WDR47: variants seen among roughly 807,000 people sequenced by gnomAD.
WDR47 encodes the protein WD repeat-containing protein 47.
Under a neutral mutation model 97.2 loss-of-function variants are expected in WDR47, and 32 were observed. The observed-to-expected ratio is 0.33, with a 90% CI of 0.25 to 0.44. The LOEUF is 0.44. Among genes scored for constraint, WDR47 ranks in the 20% least tolerant of loss-of-function variants. The pLI, the probability that WDR47 is intolerant of heterozygous loss-of-function variation, is 1.00. For missense variants in WDR47, 782 were observed against 1,102.3 expected, an observed-to-expected ratio of 0.71 and a Z score of 4.11; for synonymous variants, 375 against 373.5, an observed-to-expected ratio of 1.00 and a Z score of -0.05.
chr1:108,974,384 A>G (rs1657722428), intron 14 of WDR47, 152 bp downstream of exon 14: 2 of 639,354 alleles, frequency 3.1e-6, no homozygotes, highest in Non-Finnish European at 5.2e-6. Context: ...ATAATTTGCT[A>G]TTATATATCT....
At chr1:109,001,664 C>T (rs151203449) in intron 7 of WDR47, among the ~76,000 whole-genome samples, 7,866 of 152,006 alleles carry the variant, frequency 0.052, 291 homozygotes, top group South Asian at 0.1. Flanking sequence ...TCAAGGTGGA[C>T]GGATCGCTTG....
intron 1 of WDR47, among the ~76,000 whole-genome samples, chr1:109,028,588 A>G (rs1295450930): frequency 6.6e-6 from 1 of 151,358 alleles, no homozygotes; most frequent in Non-Finnish European, 1.5e-5. Flanking sequence ...CCAGCTATTT[A>G]GCCTAAGCAT....
At chr1:109,029,322 A>G (rs1662451433) in intron 1 of WDR47, among the ~76,000 whole-genome samples, 1 of 152,098 alleles carries the variant, frequency 6.6e-6, no homozygotes, top group South Asian at 2.1e-4. Flanking sequence ...CAGGAGTTCA[A>G]GACCAGCCTG....
In WDR47 at chr1:109,011,203, A is replaced by C; in HGVS notation, c.843T>G (p.Ala281=). 1 of 1,614,202 alleles carries C rather than the reference A, an allele frequency of 6.2e-7. No individual in the cohort carries two copies. The highest frequency in any genetic ancestry group is 2.2e-5 in the East Asian group (1 of 44,880). Residue 281 remains alanine (A), a synonymous_variant, in exon 5 of 15, where the codon GCT becomes GCG. Transcript: ENST00000369962. ...TGCTGATAAGAGGAGTCAAAAGATC[A>C]GCATATGCAGCTTTTGTAGGTTTCA... The part of the protein sequence containing the change: ...KLLKPTKAAY[A]DLLTPLISKL...
intron 5 of WDR47, among the ~76,000 whole-genome samples, chr1:109,008,238 C>G (rs756265830): frequency 2.0e-5 from 3 of 152,010 alleles, no homozygotes; most frequent in Non-Finnish European, 2.9e-5. Context: ...AGCAACTTAA[C>G]AGAAAAGGCT....
chr1:109,028,362 G>GTTTTTTTTTTTTTTTTTTTTTTTTT (rs372929187), intron 1 of WDR47, among the ~76,000 whole-genome samples: 1 of 79,788 alleles, frequency 1.3e-5, no homozygotes, highest in African/African-American at 5.1e-5. Flanking sequence ...TTTTTGTTGG[G>GTTTTTTTTTTTTTTTTTTTTTTTTT]TTTTTTTTTT....
chr1:109,000,508 C>CAAA (rs71069634), intron 7 of WDR47, among the ~76,000 whole-genome samples: 2,791 of 70,362 alleles, frequency 0.04, 279 homozygotes, highest in Middle Eastern at 0.081. Flanking sequence ...GACTCTGTCT[C>CAAA]AAAAAAAAAA....
chr1:109,022,643 G>A (rs908862961), intron 2 of WDR47, among the ~76,000 whole-genome samples: 6 of 151,994 alleles, frequency 3.9e-5, no homozygotes, highest in African/African-American at 1.2e-4. Context: ...GGAGTGCAAC[G>A]GTGCGATCTC....
chr1:109,039,914 T>C (rs1663227547), intron 1 of WDR47, among the ~76,000 whole-genome samples: 4 of 150,976 alleles, frequency 2.6e-5, no homozygotes, highest in Non-Finnish European at 5.9e-5. Flanking sequence ...CAGGCACCTG[T>C]AATCCCAGCT....
In WDR47 at chr1:108,991,288, G is replaced by A. The variant is rs747565723; in HGVS notation, c.1733C>T (p.Ser578Phe). The A allele has an allele frequency of 1.2e-6, 2 of 1,612,864 alleles. No individual in the cohort carries two copies. Among genetic ancestry groups the A allele is most frequent in the South Asian group, 2.2e-5 (2 of 90,938 alleles). ...HSVIKPPLGD[S>F]PGSLSRSKGE... is the part of the protein sequence containing the mutation. ...TTTCGACCTTGAAAGACTCCCTGGA[G>A]AATCTCCAAGAGGTGGCTTAATGAC... The change falls in exon 9 of 15, where the codon TCT (serine) becomes TTT (phenylalanine). Residue 578 changes from serine (S) to phenylalanine (F), a missense_variant. This residue lies in a region of WDR47 where 126 missense variants were observed against 121.3 expected (regional missense o/e 1.04). Transcript: ENST00000369962.
rs1307104383 is a variant in WDR47, at chr1:108,971,343, C to G, written c.*87G>C. 1.3e-6 allele frequency: 2 copies of G among 1,560,688 alleles called. No homozygotes were observed. Among genetic ancestry groups the G allele is most frequent in the Non-Finnish European group, 1.7e-6 (2 of 1,145,790 alleles). Reference sequence around the variant, plus strand: ...CTTCGTGCTAAACCACTTTCCTGGACACTATGTTCTTCAGATTTGTAATTT... The same window carrying G: ...CTTCGTGCTAAACCACTTTCCTGGAGACTATGTTCTTCAGATTTGTAATTT... On this transcript the variant is annotated 3_prime_UTR_variant, in exon 15 of 15. Transcript: ENST00000369962.
chr1:109,002,104 T>C, intron 7 of WDR47, 120 bp downstream of exon 7: 1 of 1,160,624 alleles, frequency 8.6e-7, no homozygotes, highest in Non-Finnish European at 1.2e-6. Context: ...TAACTCCACA[T>C]TACTTCAAAT....
intron 13 of WDR47, among the ~76,000 whole-genome samples, chr1:108,976,713 TG>T (rs1166771307): frequency 2.0e-5 from 3 of 152,170 alleles, no homozygotes; most frequent in Non-Finnish European, 4.4e-5. Context: ...AAGGCCTCTC[TG>T]GCTAGGTGGC....
At chr1:108,976,313 G>A (rs183933438) in intron 13 of WDR47, among the ~76,000 whole-genome samples, 212 of 148,652 alleles carry the variant, frequency 1.4e-3, no homozygotes, top group Non-Finnish European at 1.9e-3. Flanking sequence ...ATGAGTCCCA[G>A]ATTTCAAATC....
intron 14 of WDR47, among the ~76,000 whole-genome samples, chr1:108,972,002 T>C (rs934470859): frequency 4.6e-5 from 7 of 152,206 alleles, no homozygotes; most frequent in Admixed American, 3.9e-4. Flanking sequence ...ATACATATTT[T>C]ATCTCCAATC....
intron 13 of WDR47, among the ~76,000 whole-genome samples, chr1:108,979,280 G>A (rs1437846547): frequency 6.6e-6 from 1 of 151,758 alleles, no homozygotes; most frequent in Non-Finnish European, 1.5e-5. Flanking sequence ...ATATACACAG[G>A]AAAAAAAATA....
chr1:108,971,925 T>G (rs1000993154), intron 14 of WDR47, among the ~76,000 whole-genome samples: 1 of 152,174 alleles, frequency 6.6e-6, no homozygotes, highest in African/African-American at 2.4e-5. Context: ...ATTTCTTCTG[T>G]TCTCTCTGTA....
intron 3 of WDR47, among the ~76,000 whole-genome samples, chr1:109,014,482 T>A (rs1661274657): frequency 6.6e-6 from 1 of 151,858 alleles, no homozygotes; most frequent in Non-Finnish European, 1.5e-5. Context: ...TCACCCAAGC[T>A]GGAGTACAGT....
intron 9 of WDR47, among the ~76,000 whole-genome samples, chr1:108,990,178 G>A (rs956068333): frequency 1.3e-5 from 2 of 151,984 alleles, no homozygotes; most frequent in Non-Finnish European, 2.9e-5. Flanking sequence ...CCTGGGTGAC[G>A]TAGTCACACC....
Sources: allele counts gnomAD v4.1 joint callset (sites outside exome capture counted in the v4.1 genomes callset), GRCh38; gene constraint gnomAD v4.1.1; regional missense constraint gnomAD v4.1.1; transcripts MANE v1.5; gene names NCBI Gene and HGNC (gene_info 2026-07-23, HGNC 2026-07-21).